Variants in SPTB observed in about 807,000 individuals in gnomAD.
SPTB encodes spectrin beta chain, erythrocytic.
A neutral mutation model predicts 256.2 loss-of-function variants in SPTB; 45 were observed. The ratio of observed to expected loss-of-function variants is 0.18; its 90% CI spans 0.14 to 0.23. The LOEUF is 0.23. Ranked by LOEUF, SPTB falls within the 10% of genes least tolerant of loss-of-function variation. The probability of loss-of-function intolerance (pLI) is 1.00; values close to 1 mark genes in which losing one functional copy is unlikely to be tolerated. For synonymous variants in SPTB, 1,231 were observed against 1,243.1 expected, an observed-to-expected ratio of 0.99 and a Z score of 0.21; for missense variants, 2,715 against 3,040.4, an observed-to-expected ratio of 0.89 and a Z score of 2.52.
chr14:64,801,832 T>G lies in SPTB; in HGVS notation c.569A>C (p.Tyr190Ser), dbSNP rs369779185. ...LLWCQMKTAGYPHVNVTNFTS... is the reference protein window; with the variant it reads ...LLWCQMKTAGSPHVNVTNFTS... ...AAAGTTGGTGACATTAACATGAGGG[T>G]AGCTGCATCCAAGAGAAACAGTAAG... Residue 190 changes from tyrosine to serine, a missense_variant and splice_region_variant, in exon 6 of 36, where the codon TAC (tyrosine) becomes TCC (serine). By Grantham distance (144) the Tyr-to-Ser change is moderately radical. This residue lies in a region of SPTB where 416 missense variants were observed against 571.1 expected (regional missense o/e 0.73). Transcript: ENST00000644917. 9.3e-6 allele frequency: 15 copies of G among 1,613,886 alleles called. No individual in the cohort carries two copies. The African/African-American group carries it at 2.0e-4, about 22-fold the overall frequency.
intron 1 of SPTB, among the ~76,000 whole-genome samples, chr14:64,878,949 CAG>C (rs1882967789): frequency 1.3e-5 from 2 of 152,210 alleles, no homozygotes; most frequent in Admixed American, 1.3e-4. Context: ...GTCAGGGAAA[CAG>C]CACTCCAGCC....
chr14:64,833,503 G>T (rs1024993837), intron 1 of SPTB, among the ~76,000 whole-genome samples: 1 of 150,972 alleles, frequency 6.6e-6, no homozygotes, highest in Non-Finnish European at 1.5e-5. Context: ...AGTGAGCCAA[G>T]ATTGGGCCTT....
At chr14:64,820,334 C>A (rs1449805078) in intron 2 of SPTB, among the ~76,000 whole-genome samples, 3 of 152,310 alleles carry the variant, frequency 2.0e-5, no homozygotes, top group South Asian at 2.1e-4. Context: ...TCCATTCTGC[C>A]TACCCAGCAG....
intron 32 of SPTB, among the ~76,000 whole-genome samples, chr14:64,762,257 G>A (rs1192908951): frequency 6.6e-6 from 1 of 152,238 alleles, no homozygotes; most frequent in Non-Finnish European, 1.5e-5. Flanking sequence ...TGCATTCACT[G>A]CAAAATGTCT....
chr14:64,800,409 T>C (rs1225181936), intron 8 of SPTB, among the ~76,000 whole-genome samples: 1 of 152,124 alleles, frequency 6.6e-6, no homozygotes, highest in Non-Finnish European at 1.5e-5. Context: ...TACCAATGGG[T>C]GAGTTTCTGG....
intron 1 of SPTB, among the ~76,000 whole-genome samples, chr14:64,872,756 G>A (rs995799100): frequency 2.0e-5 from 3 of 152,134 alleles, no homozygotes; most frequent in African/African-American, 7.2e-5. Context: ...CCCGGTGGGA[G>A]GTAACTGAAT....
Position 64,802,387 on chromosome 14 carries a change from G to T in SPTB, c.475-70C>A. The T allele has an allele frequency of 6.8e-7, 1 of 1,465,180 alleles. No individual in the cohort carries two copies. The highest frequency in any genetic ancestry group is 9.5e-7 in the Non-Finnish European group (1 of 1,056,236). 90.8% of individuals were successfully genotyped at this position (1,465,180 alleles called of 1,614,324 possible). The stretch of plus-strand genomic sequence containing the variant: ...GGATCTGTGCTTTCCTGCCGTCCCT[G>T]GGAGGCTCCCTCCCTCATCCCCCCT... On this transcript the variant is annotated intron_variant, in intron 4 of 35. Transcript: ENST00000644917. The surrounding 1 kb of genome is among the most constrained non-coding windows in gnomAD (Gnocchi z 5.1).
At position 64,784,648 on chromosome 14, in the gene SPTB, G is replaced by A. The variant is rs117288940; in HGVS notation, c.3856-255C>T. 1.4e-3 allele frequency among the ~76,000 whole-genome samples: 206 copies of A among 152,268 alleles called. 1 individual carries two copies. The highest frequency in any genetic ancestry group is 2.5e-3 in the Admixed American group (39 of 15,300). ...GTGGTGTAGACCAGGGATACTTTAC[G>A]CTCCTCTCCATATTTTGAGGACCTA... On this transcript the variant is annotated intron_variant, in intron 18 of 35. Coordinates refer to ENST00000644917, the MANE Select transcript of SPTB (RefSeq NM_001355436.2).
rs780839859 is a variant in SPTB, at chr14:64,775,360, T to C, written c.4607A>G (p.Asp1536Gly). 4 of 1,613,344 alleles carry C rather than the reference T, an allele frequency of 2.5e-6. No individual in the cohort carries two copies. In the South Asian group the frequency reaches 4.4e-5, roughly 18 times the overall value. ...EILGHTPRVEDVLQRGQQLVE... is the reference protein window; with the variant it reads ...EILGHTPRVEGVLQRGQQLVE... ...CAGCTGCTGCCCTCTCTGCAGCACA[T>C]CCTCAACCCGCGGCGTATGGCCCAG... is the stretch of plus-strand genomic sequence containing the variant. The change falls in exon 23 of 36, where the codon GAT (aspartate) becomes GGT (glycine). Residue 1536 changes from aspartate to glycine, a missense_variant. By Grantham distance (94) the Asp-to-Gly change is moderately conservative. This residue lies in a region of SPTB where 2,239 missense variants were observed against 2,384.4 expected (regional missense o/e 0.94). Coordinates refer to ENST00000644917, the MANE Select transcript of SPTB (RefSeq NM_001355436.2). This position sits in a 1 kb window ranked among gnomAD's most constrained non-coding sequence, Gnocchi z 5.0.
rs1013343025 is a variant in SPTB at position 64,841,282 on chromosome 14, G to A, written c.-51-18137C>T. 1.3e-5 allele frequency among the ~76,000 whole-genome samples: 2 copies of A among 152,184 alleles called. No individual in the cohort carries two copies. The highest frequency in any genetic ancestry group is 2.9e-5 in the Non-Finnish European group (2 of 68,030). ...CAGGATTCAAACGCAGGCAGTCTGA[G>A]TCAGAGCCCCTGCCCTTACCTCCTG... On this transcript the variant is annotated intron_variant, in intron 1 of 35. Transcript: ENST00000644917. This position sits in a 1 kb window ranked among gnomAD's most constrained non-coding sequence, Gnocchi z 4.6.
intron 2 of SPTB, among the ~76,000 whole-genome samples, chr14:64,809,820 AC>A (rs751039665): frequency 2.6e-5 from 4 of 152,260 alleles, no homozygotes; most frequent in Non-Finnish European, 5.9e-5. Context: ...CAAAATGCAT[AC>A]GAAGAAAACC....
In SPTB at chr14:64,853,963, A is replaced by T. The variant is rs2083826965; in HGVS notation, c.-52+25829T>A. ...TCCCAGTACTTTGGGAGACCGAGGCAGGTAGATCACCTGAGGTCAGGAGTT... is the reference window on the plus strand; with the variant it reads ...TCCCAGTACTTTGGGAGACCGAGGCTGGTAGATCACCTGAGGTCAGGAGTT... On this transcript the variant is annotated intron_variant, in intron 1 of 35. Transcript: ENST00000644917. The surrounding 1 kb of genome is among the most constrained non-coding windows in gnomAD (Gnocchi z 4.3). Among the ~76,000 whole-genome samples, 1 of 152,162 alleles carries T rather than the reference A, an allele frequency of 6.6e-6. No individual in the cohort carries two copies. Among genetic ancestry groups the T allele is most frequent in the Admixed American group, 6.5e-5 (1 of 15,270 alleles).
Position 64,802,382 on chromosome 14 carries a change from T to C in SPTB, c.475-65A>G, listed in dbSNP as rs1443528292. ...CATCTGGATCTGTGCTTTCCTGCCG[T>C]CCCTGGGAGGCTCCCTCCCTCATCC... On this transcript the variant is annotated intron_variant, in intron 4 of 35. Coordinates refer to ENST00000644917, the MANE Select transcript of SPTB (RefSeq NM_001355436.2). The surrounding 1 kb of genome is among the most constrained non-coding windows in gnomAD (Gnocchi z 5.1). The C allele has an allele frequency of 1.2e-5, 18 of 1,490,448 alleles. No homozygotes were observed. The highest frequency in any genetic ancestry group is 1.6e-5 in the Non-Finnish European group (17 of 1,077,036). The allele number at this position is 1,490,448 out of a possible 1,614,324, so 92.3% of individuals were successfully genotyped here.
At chr14:64,804,251 TC>T (rs1270539319) in intron 3 of SPTB, among the ~76,000 whole-genome samples, 5 of 152,230 alleles carry the variant, frequency 3.3e-5, no homozygotes, top group Non-Finnish European at 4.4e-5. Context: ...GGTAACTCTC[TC>T]TAGTGGAATT....
intron 2 of SPTB, among the ~76,000 whole-genome samples, chr14:64,818,613 T>G (rs2139685520): frequency 6.6e-6 from 1 of 152,172 alleles, no homozygotes; most frequent in Admixed American, 6.5e-5. Flanking sequence ...ATGCCTCCTC[T>G]GGGGTGAGGA....
At chr14:64,753,138 C>G (rs1460384248) in intron 33 of SPTB, among the ~76,000 whole-genome samples, 1 of 152,160 alleles carries the variant, frequency 6.6e-6, no homozygotes, top group Non-Finnish European at 1.5e-5. Flanking sequence ...GTGCCAAGAC[C>G]TACCTAACCT....
Position 64,796,750 on chromosome 14 carries a change from C to T in SPTB, c.1183-35G>A. The T allele has an allele frequency of 1.2e-6, 2 of 1,613,730 alleles. No homozygotes were observed. Among genetic ancestry groups the T allele is most frequent in the African/African-American group, 1.3e-5 (1 of 75,052 alleles). On this transcript the variant is annotated intron_variant, in intron 10 of 35. Transcript: ENST00000644917. The surrounding 1 kb of genome is among the most constrained non-coding windows in gnomAD (Gnocchi z 4.1). ...GGATGGAATGAGAATTCTTGGGGCACAGGAGAAATGCCTCACTTTGGGGGC... is the reference window on the plus strand; with the variant it reads ...GGATGGAATGAGAATTCTTGGGGCATAGGAGAAATGCCTCACTTTGGGGGC...
chr14:64,802,304 A>G lies in SPTB; in HGVS notation c.488T>C (p.Val163Ala). 1 of 1,614,218 alleles carries G rather than the reference A, an allele frequency of 6.2e-7. No individual in the cohort carries two copies. Among genetic ancestry groups the G allele is most frequent in the Non-Finnish European group, 8.5e-7 (1 of 1,180,026 alleles). Reference protein sequence around the residue: ...IILRFQIQDIVVQTQEGRETR... With the variant: ...IILRFQIQDIAVQTQEGRETR... ...TTCACGACCTTCCTGAGTTTGGACC[A>G]CAATGTCCTGAATCTGAGGGTAGCA... is the stretch of plus-strand genomic sequence containing the variant. The change falls in exon 5 of 36, where the codon GTG becomes GCG. Residue 163 changes from valine to alanine, a missense_variant. Physicochemically the swap from Val to Ala is moderately conservative, Grantham distance 64. Transcript: ENST00000644917. This position sits in a 1 kb window ranked among gnomAD's most constrained non-coding sequence, Gnocchi z 5.1.
chr14:64,809,760 A>G (rs529756245), intron 2 of SPTB, among the ~76,000 whole-genome samples: 6 of 152,304 alleles, frequency 3.9e-5, no homozygotes, highest in South Asian at 2.1e-4. Context: ...AAGGCCCCCA[A>G]TGTTAATAAA....
Sources: allele counts gnomAD v4.1 joint callset (sites outside exome capture counted in the v4.1 genomes callset), GRCh38; gene constraint gnomAD v4.1.1; regional missense constraint gnomAD v4.1.1; non-coding constraint Gnocchi (gnomAD v3.1); transcripts MANE v1.5; gene names NCBI Gene and HGNC (gene_info 2026-07-23, HGNC 2026-07-21).